Variants in NTN4 observed in about 807,000 individuals in gnomAD.
The protein encoded by NTN4 is netrin 4, also known as netrin-4.
Under a neutral mutation model 73.6 loss-of-function variants are expected in NTN4, and 32 were observed. The ratio of observed to expected loss-of-function variants is 0.44; its 90% CI spans 0.33 to 0.58. NTN4 has a LOEUF of 0.58. NTN4 is among the 20% of genes least tolerant of loss of function. The probability of loss-of-function intolerance (pLI) is 0.04; values close to 1 mark genes in which losing one functional copy is unlikely to be tolerated. For synonymous variants in NTN4, 258 were observed against 287.5 expected, an observed-to-expected ratio of 0.90 and a Z score of 1.04; for missense variants, 654 against 798.3, an observed-to-expected ratio of 0.82 and a Z score of 2.18.
intron 2 of NTN4, among the ~76,000 whole-genome samples, chr12:95,764,383 G>T (rs1293411538): frequency 2.6e-5 from 4 of 152,214 alleles, no homozygotes; most frequent in African/African-American, 9.6e-5. Context: ...AAGGAGAGCT[G>T]GCCGGGCACA....
chr12:95,758,882 T>G (rs1334732344), intron 2 of NTN4, among the ~76,000 whole-genome samples: 3 of 152,220 alleles, frequency 2.0e-5, no homozygotes, highest in Non-Finnish European at 4.4e-5. Context: ...GATGTTCAGT[T>G]TACCAGTATT....
intron 7 of NTN4, among the ~76,000 whole-genome samples, chr12:95,678,198 G>A: frequency 6.6e-6 from 1 of 151,580 alleles, no homozygotes; most frequent in Non-Finnish European, 1.5e-5. Context: ...GGTGTGGGGG[G>A]CGAGGGGAGG....
chr12:95,762,022 T>G (rs1053297135), intron 2 of NTN4, among the ~76,000 whole-genome samples: 5 of 152,042 alleles, frequency 3.3e-5, no homozygotes, highest in Admixed American at 3.3e-4. Context: ...TTATTCATAT[T>G]ATATATGTTA....
chr12:95,787,251 T>C lies in NTN4; in HGVS notation c.273A>G (p.Pro91=). The change falls in exon 2 of 10, where the codon CCA becomes CCG. Residue 91 remains proline, a synonymous_variant. Transcript: ENST00000343702. ...GGAAGGATGAGTCTGCCATGGCAGA[T>C]GGCAGGTGAGCCAGGTGAGGATAGG... is the stretch of plus-strand genomic sequence containing the variant. ...NAAYPHLAHL[P]SAMADSSFRF... is the part of the protein sequence containing the mutation. 4 of 1,614,188 alleles carry C rather than the reference T, an allele frequency of 2.5e-6. No individual in the cohort carries two copies. Among genetic ancestry groups the C allele is most frequent in the Non-Finnish European group, 3.4e-6 (4 of 1,180,028 alleles).
At chr12:95,790,948 C>T (rs1047992911), upstream of NTN4, among the ~76,000 whole-genome samples, 13 of 149,444 alleles carry the variant, frequency 8.7e-5, no homozygotes, top group Non-Finnish European at 1.8e-4. This position sits in a 1 kb window ranked among gnomAD's most constrained non-coding sequence, Gnocchi z 6.5. Context: ...GTCCCCCGCG[C>T]CCCGACCGAC....
chr12:95,667,649 C>T (rs947030335), intron 8 of NTN4, among the ~76,000 whole-genome samples: 15 of 151,854 alleles, frequency 9.9e-5, no homozygotes, highest in African/African-American at 3.4e-4. Context: ...GAGGTCAGGA[C>T]TTTGAGACCA....
chr12:95,691,778 G>T (rs2078403320), intron 5 of NTN4, among the ~76,000 whole-genome samples: 1 of 152,020 alleles, frequency 6.6e-6, no homozygotes, highest in East Asian at 1.9e-4. Context: ...ATAATTTTTA[G>T]TGTTCACAGC....
intron 5 of NTN4, among the ~76,000 whole-genome samples, chr12:95,695,507 G>C (rs930675305): frequency 6.6e-6 from 1 of 152,064 alleles, no homozygotes; most frequent in African/African-American, 2.4e-5. Flanking sequence ...TGGGGTTACA[G>C]GTGTGTGCCA....
chr12:95,666,269 C>T (rs1565876537), intron 8 of NTN4, among the ~76,000 whole-genome samples: 1 of 152,030 alleles, frequency 6.6e-6, no homozygotes, highest in East Asian at 1.9e-4. Flanking sequence ...TTTGGGGACT[C>T]AGGGGGAAGA....
rs545413138 is a variant in NTN4 at position 95,748,094 on chromosome 12, G to A, written c.586-9950C>T. On this transcript the variant is annotated intron_variant, in intron 2 of 9. Coordinates refer to ENST00000343702, the MANE Select transcript of NTN4 (RefSeq NM_021229.4). ...AAAATACGAAACATTAGCTAGGCAT[G>A]GTGGTACGCACCTGTAGTCCCAGCC... 1.5e-3 allele frequency among the ~76,000 whole-genome samples: 229 copies of A among 151,924 alleles called. 1 individual carries two copies. Among genetic ancestry groups the A allele is most frequent in the Admixed American group, 3.1e-3 (48 of 15,272 alleles).
At chr12:95,722,569 G>A (rs903070163) in intron 3 of NTN4, among the ~76,000 whole-genome samples, 1 of 152,166 alleles carries the variant, frequency 6.6e-6, no homozygotes, top group Admixed American at 6.5e-5. Context: ...ACGTTGTAAT[G>A]AGCCGAGACT....
At chr12:95,672,377 G>T in intron 7 of NTN4, 1 of 852,756 alleles carries the variant, frequency 1.2e-6, no homozygotes, top group South Asian at 1.3e-5. Flanking sequence ...TCAGCAGCTG[G>T]TACGACTCCG....
At chr12:95,754,260 A>G (rs1021881181) in intron 2 of NTN4, among the ~76,000 whole-genome samples, 2 of 151,970 alleles carry the variant, frequency 1.3e-5, no homozygotes, top group African/African-American at 4.8e-5. Flanking sequence ...CAACCCCACA[A>G]TATCACCCCT....
At chr12:95,729,613 AAGAGAG>A (rs59395729) in intron 3 of NTN4, among the ~76,000 whole-genome samples, 4,695 of 138,002 alleles carry the variant, frequency 0.034, 111 homozygotes, top group Non-Finnish European at 0.044. Flanking sequence ...AATTATTATA[AAGAGAG>A]AGAGAGAGAG....
intron 3 of NTN4, among the ~76,000 whole-genome samples, chr12:95,736,666 C>T (rs556221785): frequency 2.0e-5 from 3 of 152,294 alleles, no homozygotes; most frequent in African/African-American, 4.8e-5. Context: ...TTCAAAGATC[C>T]ATCAGTGTCT....
intron 1 of NTN4, among the ~76,000 whole-genome samples, chr12:95,788,178 T>G (rs151206650): frequency 1.3e-5 from 2 of 152,304 alleles, no homozygotes; most frequent in African/African-American, 4.8e-5. Flanking sequence ...CTCTCTGAAC[T>G]GCCAAATGGC....
At chr12:95,698,136 C>T (rs1357350672) in intron 5 of NTN4, among the ~76,000 whole-genome samples, 8 of 152,096 alleles carry the variant, frequency 5.3e-5, no homozygotes, top group Non-Finnish European at 5.9e-5. Flanking sequence ...TTGGTATCCT[C>T]GGGGATCCTG....
chr12:95,735,000 T>C (rs551010068), intron 3 of NTN4, among the ~76,000 whole-genome samples: 298 of 152,148 alleles, frequency 2.0e-3, no homozygotes, highest in Non-Finnish European at 3.2e-3. Context: ...GATCGTGCCA[T>C]TGCACTCCAG....
chr12:95,742,690 T>C (rs1420904626), intron 2 of NTN4, among the ~76,000 whole-genome samples: 2 of 152,218 alleles, frequency 1.3e-5, no homozygotes, highest in Non-Finnish European at 2.9e-5. Flanking sequence ...ACTTACACTG[T>C]TCTATTGTTG....
Sources: allele counts gnomAD v4.1 joint callset (sites outside exome capture counted in the v4.1 genomes callset), GRCh38; gene constraint gnomAD v4.1.1; non-coding constraint Gnocchi (gnomAD v3.1); transcripts MANE v1.5; gene names NCBI Gene and HGNC (gene_info 2026-07-23, HGNC 2026-07-21).